ASIC2: variants seen among roughly 807,000 people sequenced by gnomAD.
ASIC2 encodes the protein acid sensing ion channel subunit 2.
ASIC2 carries 25 observed loss-of-function variants against 57.3 expected under a neutral mutation model. The observed-to-expected ratio is 0.44, with a 90% CI of 0.32 to 0.61. ASIC2 has a LOEUF of 0.61. Ranked by LOEUF, ASIC2 falls within the 20% of genes least tolerant of loss-of-function variation. ASIC2 has a pLI of 0.06. For missense variants in ASIC2, 641 were observed against 738.1 expected, an observed-to-expected ratio of 0.87 and a Z score of 1.52; for synonymous variants, 319 against 307.5, an observed-to-expected ratio of 1.04 and a Z score of -0.39.
In ASIC2 at chr17:33,444,391, G is replaced by A. The variant is rs562865289; in HGVS notation, c.556-332324C>T. ...TGTGTGGTTGGTGCAATGGAGGGGC[G>A]TAGAGTGGGTAACCAAGAGGTCATA... On this transcript the variant is annotated intron_variant, in intron 1 of 9. Transcript: ENST00000359872. Among the ~76,000 whole-genome samples, 6 of 152,334 alleles carry A rather than the reference G, an allele frequency of 3.9e-5. No individual in the cohort carries two copies. In the South Asian group the frequency reaches 8.3e-4, roughly 21 times the overall value.
intron 1 of ASIC2, among the ~76,000 whole-genome samples, chr17:34,100,388 C>T (rs547133346): frequency 1.3e-5 from 2 of 152,116 alleles, no homozygotes; most frequent in African/African-American, 2.4e-5. Context: ...CTCCATGGCA[C>T]GGTAAGGCTC....
intron 1 of ASIC2, among the ~76,000 whole-genome samples, chr17:33,247,369 A>G (rs1019785997): frequency 1.3e-5 from 2 of 152,220 alleles, no homozygotes; most frequent in Non-Finnish European, 2.9e-5. Context: ...TTTCAAATAC[A>G]AATGTTGAGG....
At chr17:33,689,820 G>C (rs1188185862) in intron 1 of ASIC2, among the ~76,000 whole-genome samples, 1 of 152,220 alleles carries the variant, frequency 6.6e-6, no homozygotes, top group African/African-American at 2.4e-5. Flanking sequence ...AGAGCAGAAG[G>C]CCATGTGATA....
intron 1 of ASIC2, among the ~76,000 whole-genome samples, chr17:34,060,477 T>C (rs547663030): frequency 3.3e-5 from 5 of 152,114 alleles, no homozygotes; most frequent in South Asian, 4.1e-4. Context: ...TCACCAGCAA[T>C]GGATCCAAAC....
chr17:34,066,799 G>A (rs1909188580), intron 1 of ASIC2, among the ~76,000 whole-genome samples: 1 of 152,218 alleles, frequency 6.6e-6, no homozygotes, highest in Admixed American at 6.5e-5. Flanking sequence ...GCATGGAGAT[G>A]TGAGTCACTG....
At chr17:34,101,702 A>T (rs184404514) in intron 1 of ASIC2, among the ~76,000 whole-genome samples, 46 of 152,322 alleles carry the variant, frequency 3.0e-4, no homozygotes, top group African/African-American at 1.1e-3. Context: ...GTATGCCTAT[A>T]AACAATATGT....
At chr17:34,095,726 GAT>G (rs536224608) in intron 1 of ASIC2, among the ~76,000 whole-genome samples, 18 of 140,728 alleles carry the variant, frequency 1.3e-4, no homozygotes, top group East Asian at 4.0e-4. Flanking sequence ...TATATAGAGA[GAT>G]ATATATATAA....
chr17:34,121,913 T>C (rs2142119843), intron 1 of ASIC2, among the ~76,000 whole-genome samples: 1 of 152,338 alleles, frequency 6.6e-6, no homozygotes, highest in South Asian at 2.1e-4. Flanking sequence ...TCAGGAGTCT[T>C]CTCTGAACCT....
intron 1 of ASIC2, among the ~76,000 whole-genome samples, chr17:33,373,038 C>G (rs1283947002): frequency 6.6e-6 from 1 of 152,242 alleles, no homozygotes; most frequent in Non-Finnish European, 1.5e-5. Context: ...AGGGTGGGGA[C>G]TTAGGATAAG....
chr17:33,032,708 CA>C (rs2091889617), intron 3 of ASIC2, among the ~76,000 whole-genome samples: 1 of 152,168 alleles, frequency 6.6e-6, no homozygotes, highest in Non-Finnish European at 1.5e-5. Flanking sequence ...CTCAGCCTCC[CA>C]GGTGCTGGGA....
At chr17:33,127,604 T>C (rs2092329120) in intron 1 of ASIC2, among the ~76,000 whole-genome samples, 1 of 152,186 alleles carries the variant, frequency 6.6e-6, no homozygotes, top group South Asian at 2.1e-4. Context: ...AGCCAGAGAA[T>C]TGAGGGAGAC....
intron 1 of ASIC2, among the ~76,000 whole-genome samples, chr17:34,134,215 T>A (rs1170380540): frequency 6.6e-6 from 1 of 152,090 alleles, no homozygotes; most frequent in Admixed American, 6.6e-5. Context: ...GCATCAGAGG[T>A]TTGGGGGTGA....
At chr17:34,130,394 G>A (rs907918166) in intron 1 of ASIC2, among the ~76,000 whole-genome samples, 1 of 152,174 alleles carries the variant, frequency 6.6e-6, no homozygotes, top group Non-Finnish European at 1.5e-5. Flanking sequence ...TTTTGAATCC[G>A]TATAAATGGG....
rs536227836 is a variant in ASIC2, at chr17:34,095,354, T to C, written c.555+60624A>G. ...TTTCCAGGCACCTGAGGTATAAAGC[T>C]GGCAGTGCCATCAAAGACAGGCTGG... is the stretch of plus-strand genomic sequence containing the variant. On this transcript the variant is annotated intron_variant, in intron 1 of 9. Coordinates refer to the ASIC2 transcript ENST00000359872. 2.6e-5 allele frequency among the ~76,000 whole-genome samples: 4 copies of C among 152,186 alleles called. No homozygotes were observed. In the East Asian group the frequency reaches 7.7e-4, roughly 29 times the overall value.
At chr17:33,212,350 G>A (rs754756162) in intron 1 of ASIC2, among the ~76,000 whole-genome samples, 3 of 152,156 alleles carry the variant, frequency 2.0e-5, no homozygotes, top group South Asian at 2.1e-4. Flanking sequence ...TGGCACCTAC[G>A]ATGGAAGCAA....
intron 1 of ASIC2, among the ~76,000 whole-genome samples, chr17:33,705,686 C>A (rs1331691565): frequency 6.6e-6 from 1 of 152,174 alleles, no homozygotes; most frequent in Non-Finnish European, 1.5e-5. Flanking sequence ...AATGGGTTCT[C>A]CCTTAGAACC....
At chr17:33,761,606 G>A (rs1370330150) in intron 1 of ASIC2, among the ~76,000 whole-genome samples, 4 of 152,158 alleles carry the variant, frequency 2.6e-5, no homozygotes, top group Non-Finnish European at 5.9e-5. Context: ...TATGCCAGTG[G>A]TGGCTCATGT....
intron 1 of ASIC2, among the ~76,000 whole-genome samples, chr17:33,257,100 C>T (rs1464241048): frequency 6.6e-6 from 1 of 152,120 alleles, no homozygotes; most frequent in Non-Finnish European, 1.5e-5. Flanking sequence ...TTTGTGTCAA[C>T]ATTGAAAAAA....
chr17:33,483,706 A>T (rs1331209999), intron 1 of ASIC2, among the ~76,000 whole-genome samples: 1 of 152,190 alleles, frequency 6.6e-6, no homozygotes, highest in African/African-American at 2.4e-5. Flanking sequence ...GCTCTATCTT[A>T]TGGCCTATTC....
Sources: allele counts gnomAD v4.1 joint callset (sites outside exome capture counted in the v4.1 genomes callset), GRCh38; gene constraint gnomAD v4.1.1; transcripts MANE v1.5; gene names NCBI Gene and HGNC (gene_info 2026-07-23, HGNC 2026-07-21).